FAXC: variants seen among roughly 807,000 people sequenced by gnomAD.
FAXC encodes failed axon connections homolog, metaxin like GST domain containing, also known as failed axon connections homolog.
A neutral mutation model predicts 41.9 loss-of-function variants in FAXC; 10 were observed. The observed-to-expected ratio is 0.24, with a 90% confidence interval of 0.15 to 0.41. The LOEUF is 0.41. Among genes scored for constraint, FAXC ranks in the 10% least tolerant of loss-of-function variants. The pLI is 1.00. For missense variants in FAXC, 399 were observed against 510.9 expected (o/e 0.78, Z 2.11); for synonymous variants, 183 against 183.8 (o/e 1.00, Z 0.03).
intron 2 of FAXC, among the ~76,000 whole-genome samples, chr6:99,339,896 G>C (rs965858100): frequency 1.3e-5 from 2 of 151,784 alleles, no homozygotes; most frequent in Non-Finnish European, 2.9e-5. Context: ...TAAAAGAAAA[G>C]GAAATATTTT....
intron 5 of FAXC, among the ~76,000 whole-genome samples, chr6:99,284,598 T>TGTGA (rs34495212): frequency 0.11 from 15,347 of 142,782 alleles, 1,053 homozygotes; most frequent in African/African-American, 0.17. Context: ...TGTGTGTGTG[T>TGTGA]GATAAGCCTG....
chr6:99,318,562 A>G (rs1157984329), intron 4 of FAXC, among the ~76,000 whole-genome samples: 2 of 152,188 alleles, frequency 1.3e-5, no homozygotes, highest in Non-Finnish European at 2.9e-5. Flanking sequence ...CAGAAAAATG[A>G]TTTTTGTTAT....
chr6:99,334,204 C>T (rs1173183490), intron 2 of FAXC, among the ~76,000 whole-genome samples: 2 of 152,094 alleles, frequency 1.3e-5, no homozygotes, highest in Admixed American at 6.5e-5. Flanking sequence ...GAGAGAATAA[C>T]GGGGATTTGG....
chr6:99,331,722 TG>T (rs1227341876), intron 3 of FAXC, among the ~76,000 whole-genome samples: 4 of 152,222 alleles, frequency 2.6e-5, no homozygotes, highest in African/African-American at 9.6e-5. Flanking sequence ...GGTAGTGCCT[TG>T]GAGGGCCTCT....
intron 3 of FAXC, among the ~76,000 whole-genome samples, chr6:99,328,491 A>G (rs1483430418): frequency 6.6e-6 from 1 of 152,260 alleles, no homozygotes; most frequent in Non-Finnish European, 1.5e-5. Context: ...GCTGTGAGAA[A>G]TAAACTTCTG....
intron 5 of FAXC, among the ~76,000 whole-genome samples, chr6:99,290,101 CCACACACACA>C (rs34319104): frequency 7.0e-6 from 1 of 142,480 alleles, no homozygotes; most frequent in Admixed American, 7.0e-5. Context: ...CCCTACCCCA[CCACACACACA>C]CACACACACA....
chr6:99,321,973 C>A (rs1176000358), intron 4 of FAXC, among the ~76,000 whole-genome samples: 1 of 152,196 alleles, frequency 6.6e-6, no homozygotes, highest in Non-Finnish European at 1.5e-5. Flanking sequence ...AAGCCAGGAA[C>A]AGACATAGCC....
At chr6:99,326,286 C>T (rs959312712) in intron 3 of FAXC, among the ~76,000 whole-genome samples, 1 of 152,096 alleles carries the variant, frequency 6.6e-6, no homozygotes, top group African/African-American at 2.4e-5. Flanking sequence ...AGAGATGATG[C>T]ACTGGGTGAG....
intron 2 of FAXC, among the ~76,000 whole-genome samples, chr6:99,339,994 T>C (rs893449850): frequency 6.6e-6 from 1 of 152,114 alleles, no homozygotes; most frequent in Non-Finnish European, 1.5e-5. Flanking sequence ...ACAGGATATA[T>C]AAAGACCCAC....
rs221537 is a variant in FAXC at position 99,279,971 on chromosome 6, A to T, written c.*1193T>A. ...ATCTTTGCAAGGTTTGTTTTCAAAA[A>T]GACATTACAAGTTGGCAGGCTTCTG... On this transcript the variant is annotated 3_prime_UTR_variant, in exon 6 of 6. Coordinates refer to ENST00000389677, the MANE Select transcript of FAXC (RefSeq NM_032511.4). The T allele has an allele frequency of 1.3e-5, 2 of 152,326 alleles. No individual in the cohort carries two copies. Among genetic ancestry groups the T allele is most frequent in the East Asian group, 3.9e-4 (2 of 5,190 alleles). The allele number at this position is 152,326 out of a possible 1,614,324, so 9.4% of individuals were successfully genotyped here.
chr6:99,293,710 GTGTC>G (rs1230692482), intron 4 of FAXC, among the ~76,000 whole-genome samples: 49 of 101,238 alleles, frequency 4.8e-4, no homozygotes, highest in East Asian at 4.5e-3. Flanking sequence ...GTGTGTGTGT[GTGTC>G]TGTGTGTGTG....
intron 4 of FAXC, among the ~76,000 whole-genome samples, chr6:99,304,374 A>G (rs1771832448): frequency 6.6e-6 from 1 of 152,150 alleles, no homozygotes; most frequent in African/African-American, 2.4e-5. Flanking sequence ...CCATGGAAGA[A>G]TCTTCTCCTA....
rs187852808 is a variant in FAXC, at chr6:99,283,876, C to T, written c.941-2423G>A. ...ATCCATTCCTTACTAGCTTTTCCTACAGAAAATCAGAATCTATTCACAAGA... is the reference window on the plus strand; with the variant it reads ...ATCCATTCCTTACTAGCTTTTCCTATAGAAAATCAGAATCTATTCACAAGA... On this transcript the variant is annotated intron_variant, in intron 5 of 5. Transcript: ENST00000389677. Among the ~76,000 whole-genome samples, 39 of 152,330 alleles carry T rather than the reference C, an allele frequency of 2.6e-4. 1 individual carries two copies. The highest frequency in any genetic ancestry group is 3.4e-3 in the Middle Eastern group (1 of 294).
At chr6:99,304,290 A>C (rs1378567361) in intron 4 of FAXC, among the ~76,000 whole-genome samples, 1 of 152,076 alleles carries the variant, frequency 6.6e-6, no homozygotes, top group Non-Finnish European at 1.5e-5. Flanking sequence ...CTGCCTCAAA[A>C]AATAAAAAAT....
chr6:99,342,346 CT>C (rs113675285), intron 2 of FAXC, among the ~76,000 whole-genome samples: 4,330 of 143,294 alleles, frequency 0.03, 171 homozygotes, highest in African/African-American at 0.091. Context: ...CCAAAGCATA[CT>C]TTTTTTTTTT....
chr6:99,317,544 G>C (rs968101618), intron 4 of FAXC, among the ~76,000 whole-genome samples: 1 of 150,458 alleles, frequency 6.6e-6, no homozygotes, highest in Non-Finnish European at 1.5e-5. Flanking sequence ...CAAGGTAGTA[G>C]TCAGGTCAGA....
At position 99,272,981 on chromosome 6, in the gene FAXC, G is replaced by T. The variant is rs1770467270; in HGVS notation, c.*8183C>A. On this transcript the variant is annotated 3_prime_UTR_variant, in exon 6 of 6. Transcript: ENST00000389677. ...ATATAGCATTAAGACCAAATATACAGAATTTCCACATTTATATACAGTAGT... is the reference window on the plus strand; with the variant it reads ...ATATAGCATTAAGACCAAATATACATAATTTCCACATTTATATACAGTAGT... 6.6e-6 allele frequency: 1 copy of T among 152,142 alleles called. No individual in the cohort carries two copies. The highest frequency in any genetic ancestry group is 6.5e-5 in the Admixed American group (1 of 15,278). The allele number at this position is 152,142 out of a possible 1,614,324, so 9.4% of individuals were successfully genotyped here.
chr6:99,309,211 T>C (rs954324536), intron 4 of FAXC, among the ~76,000 whole-genome samples: 1 of 146,602 alleles, frequency 6.8e-6, no homozygotes, highest in Non-Finnish European at 1.5e-5. Context: ...CTTGTAAGGG[T>C]TTTTTTTTTC....
chr6:99,318,306 C>CACACACAAAAA (rs147852055), intron 4 of FAXC, among the ~76,000 whole-genome samples: 1 of 135,230 alleles, frequency 7.4e-6, no homozygotes, highest in African/African-American at 2.7e-5. Flanking sequence ...CACACACACA[C>CACACACAAAAA]AAAATAGAAG....
Sources: gnomAD v4.1 joint callset for allele counts (sites outside exome capture counted in the v4.1 genomes callset) on GRCh38, gnomAD v4.1.1 for gene constraint, MANE v1.5 for transcripts, NCBI Gene and HGNC (gene_info 2026-07-23, HGNC 2026-07-21) for gene names.